The following SOX10 variants were observed in gnomAD, a reference collection of about 807,000 sequenced individuals.
SOX10 encodes transcription factor SOX-10.
In SOX10, 3 loss-of-function variants were observed where a neutral mutation model predicts 35.0. The observed-to-expected ratio is 0.09, with a 90% confidence interval of 0.04 to 0.22. The LOEUF (loss-of-function observed/expected upper bound fraction) is 0.22, where lower values mean the gene tolerates loss of function less well. Among genes scored for constraint, SOX10 ranks in the 10% least tolerant of loss-of-function variants. SOX10 has a pLI of 1.00. For synonymous variants in SOX10, 285 were observed against 291.0 expected (o/e 0.98, Z 0.21); for missense variants, 436 against 655.1 (o/e 0.67, Z 3.65).
At chr22:37,977,475 C>G (rs1932255835) in intron 3 of SOX10, among the ~76,000 whole-genome samples, 1 of 151,970 alleles carries the variant, frequency 6.6e-6, no homozygotes, top group Non-Finnish European at 1.5e-5. Context: ...TGCTCGCCAC[C>G]ACGCCCAGCT....
At position 37,984,532 on chromosome 22, in the gene SOX10, C is replaced by T. The variant is rs1015516980; in HGVS notation, c.-278G>A. The T allele has an allele frequency of 8.5e-5, 13 of 152,172 alleles. No individual in the cohort carries two copies. Among genetic ancestry groups the T allele is most frequent in the Non-Finnish European group, 5.9e-5 (4 of 68,108 alleles). 9.4% of individuals were successfully genotyped at this position (152,172 alleles called of 1,614,324 possible). On this transcript the variant is annotated 5_prime_UTR_variant, in exon 1 of 4. Transcript: ENST00000396884. This position sits in a 1 kb window ranked among gnomAD's most constrained non-coding sequence, Gnocchi z 4.4. ...CTTACCACCAACCACCCTGGCCGGA[C>T]AGCCCGAGACTGACTGAGCGACTGA... is the stretch of plus-strand genomic sequence containing the variant.
At chr22:37,976,520 C>A (rs1198621076) in intron 3 of SOX10, among the ~76,000 whole-genome samples, 1 of 152,184 alleles carries the variant, frequency 6.6e-6, no homozygotes, top group Non-Finnish European at 1.5e-5. Context: ...CCTCTGAAGG[C>A]AGAGCTCTGC....
intron 3 of SOX10, among the ~76,000 whole-genome samples, chr22:37,976,201 C>T (rs1011127640): frequency 2.0e-5 from 3 of 152,140 alleles, no homozygotes; most frequent in Non-Finnish European, 2.9e-5. Context: ...GCAGCCTGGG[C>T]AACAGAGCAA....
At chr22:37,976,824 C>A (rs1932234710) in intron 3 of SOX10, among the ~76,000 whole-genome samples, 1 of 152,134 alleles carries the variant, frequency 6.6e-6, no homozygotes, top group Non-Finnish European at 1.5e-5. Flanking sequence ...CTGTTATTAT[C>A]ATTAATGAAA....
Position 37,983,026 on chromosome 22 carries a change from C to CA in SOX10, c.428+330_428+331insT. On this transcript the variant is annotated intron_variant, in intron 2 of 3. Coordinates refer to ENST00000396884, the MANE Select transcript of SOX10 (RefSeq NM_006941.4). This position sits in a 1 kb window ranked among gnomAD's most constrained non-coding sequence, Gnocchi z 9.5. ...CCACAGCAGCTGGTGGCATAGTGTG[C>CA]GTATCTGTGGGCAGGAGTTAGTGAA... Among the ~76,000 whole-genome samples, 1 of 152,228 alleles carries CA rather than the reference C, an allele frequency of 6.6e-6. No individual in the cohort carries two copies. Among genetic ancestry groups the CA allele is most frequent in the East Asian group, 1.9e-4 (1 of 5,196 alleles).
chr22:37,978,339 A>T lies in SOX10; in HGVS notation c.429-204T>A, dbSNP rs1331578565. Among the ~76,000 whole-genome samples, 1 of 152,252 alleles carries T rather than the reference A, an allele frequency of 6.6e-6. No homozygotes were observed. The highest frequency in any genetic ancestry group is 1.5e-5 in the Non-Finnish European group (1 of 68,048). On this transcript the variant is annotated intron_variant, in intron 2 of 3. Coordinates refer to ENST00000396884, the MANE Select transcript of SOX10 (RefSeq NM_006941.4). This position sits in a 1 kb window ranked among gnomAD's most constrained non-coding sequence, Gnocchi z 5.0. ...GAGGCCCAAGGAATAACAGCCTCAG[A>T]GGGCTGCCCCCAAATCTTTCATGGG...
rs1932450359 is a variant in SOX10, at chr22:37,983,083, C to T, written c.428+274G>A. Among the ~76,000 whole-genome samples, 1 of 152,238 alleles carries T rather than the reference C, an allele frequency of 6.6e-6. No homozygotes were observed. Among genetic ancestry groups the T allele is most frequent in the African/African-American group, 2.4e-5 (1 of 41,470 alleles). On this transcript the variant is annotated intron_variant, in intron 2 of 3. Coordinates refer to ENST00000396884, the MANE Select transcript of SOX10 (RefSeq NM_006941.4). This position sits in a 1 kb window ranked among gnomAD's most constrained non-coding sequence, Gnocchi z 9.5. ...CTTCCCTCCCTCCAAAGCCCCAGGC[C>T]CCACGGTCTGCCACCCGCAAAATTC... is the stretch of plus-strand genomic sequence containing the variant.
chr22:37,973,894 G>T lies in SOX10; in HGVS notation c.1002C>A (p.Ile334=). The change falls in exon 4 of 4, where the codon ATC becomes ATA. Residue 334 remains isoleucine, a synonymous_variant. Coordinates refer to ENST00000396884, the MANE Select transcript of SOX10 (RefSeq NM_006941.4). ...GCAGAGCCACGCCTGGTGGCTTGGA[G>T]ATCCAGGCGGAGTGTCCACTGGCCA... is the stretch of plus-strand genomic sequence containing the variant. ...LAVASGHSAW[I]SKPPGVALPT... 6.2e-7 allele frequency: 1 copy of T among 1,610,110 alleles called. No homozygotes were observed. The highest frequency in any genetic ancestry group is 8.5e-7 in the Non-Finnish European group (1 of 1,179,560).
chr22:37,981,948 C>A (rs945968687), intron 2 of SOX10, among the ~76,000 whole-genome samples: 2 of 152,142 alleles, frequency 1.3e-5, no homozygotes, highest in Admixed American at 6.5e-5. Flanking sequence ...GGCCAGGGGG[C>A]GGGATGTGAA....
Position 37,983,913 on chromosome 22 carries a change from C to G in SOX10, c.-84-45G>C, listed in dbSNP as rs1932490629. On this transcript the variant is annotated intron_variant, in intron 1 of 3. Transcript: ENST00000396884. This position sits in a 1 kb window ranked among gnomAD's most constrained non-coding sequence, Gnocchi z 9.5. The stretch of plus-strand genomic sequence containing the variant: ...GATGGAGCGGCCGCGCGCGCAGCCC[C>G]GAGGGCGGCCCGAGACAGGACGTGG... 15 of 737,876 alleles carry G rather than the reference C, an allele frequency of 2.0e-5. No homozygotes were observed. Among genetic ancestry groups the G allele is most frequent in the South Asian group, 3.0e-5 (1 of 33,114 alleles). 45.7% of individuals were successfully genotyped at this position (737,876 alleles called of 1,614,324 possible).
chr22:37,984,143 G>T lies in SOX10; in HGVS notation c.-85+196C>A. On this transcript the variant is annotated intron_variant, in intron 1 of 3. Transcript: ENST00000396884. The surrounding 1 kb of genome is among the most constrained non-coding windows in gnomAD (Gnocchi z 4.4). The stretch of plus-strand genomic sequence containing the variant: ...TGTTGATGATAAGGAAGAAAAAAAC[G>T]GAGCCTTTATTTTGCTCTAATCCCG... The T allele has an allele frequency of 1.1e-5, 2 of 176,288 alleles. No individual in the cohort carries two copies. Among genetic ancestry groups the T allele is most frequent in the Non-Finnish European group, 1.2e-5 (1 of 84,536 alleles). 10.9% of individuals were successfully genotyped at this position (176,288 alleles called of 1,614,324 possible).
In SOX10 at chr22:37,978,242, C is replaced by T. The variant is rs112969584; in HGVS notation, c.429-107G>A. 157 of 1,264,434 alleles carry T rather than the reference C, an allele frequency of 1.2e-4. No homozygotes were observed. In the African/African-American group the frequency reaches 2.1e-3, roughly 17 times the overall value. 78.3% of individuals were successfully genotyped at this position (1,264,434 alleles called of 1,614,324 possible). On this transcript the variant is annotated intron_variant, in intron 2 of 3. Transcript: ENST00000396884. This position sits in a 1 kb window ranked among gnomAD's most constrained non-coding sequence, Gnocchi z 5.0. The stretch of plus-strand genomic sequence containing the variant: ...TGTCCATCTTGGAAGATGTGAGGCC[C>T]TGGGATGGGGCACCCAGAGGACAGG...
rs752201360 is a variant in SOX10, at chr22:37,974,083, G to A, written c.813C>T (p.Ile271=). 5.0e-6 allele frequency: 8 copies of A among 1,613,922 alleles called. No individual in the cohort carries two copies. The Admixed American group carries it at 5.0e-5, about 10-fold the overall frequency. Reference sequence around the variant, plus strand: ...CACCAATGTCCACGTTGCCGAAGTCGATGTGAGGCTTCCCGCCCTCCCCCA... The same window carrying A: ...CACCAATGTCCACGTTGCCGAAGTCAATGTGAGGCTTCCCGCCCTCCCCCA... ...RSMGEGGKPH[I]DFGNVDIGEI... is the part of the protein sequence containing the mutation. Residue 271 remains isoleucine, a synonymous_variant, in exon 4 of 4, where the codon ATC becomes ATT. Transcript: ENST00000396884. This position sits in a 1 kb window ranked among gnomAD's most constrained non-coding sequence, Gnocchi z 5.4.
intron 3 of SOX10, among the ~76,000 whole-genome samples, chr22:37,975,967 G>A (rs914059024): frequency 2.0e-4 from 31 of 151,986 alleles, no homozygotes; most frequent in African/African-American, 7.0e-4. Context: ...GAGGCTGGGC[G>A]TGCTGGGTCA....
Position 37,983,604 on chromosome 22 carries a change from C to A in SOX10, c.181G>T (p.Gly61Cys). ...GGGAACTTGTCATCGTCCGCCTCGC[C>A]GTCCTGCTGCTCCTTCTTGACCTTG... is the stretch of plus-strand genomic sequence containing the variant. ...LGKVKKEQQD[G>C]EADDDKFPVC... The change falls in exon 2 of 4, where the codon GGC becomes TGC. Residue 61 changes from glycine (G) to cysteine (C), a missense_variant. Gly to Cys is a radical substitution (Grantham distance 159, BLOSUM62 -3). Coordinates refer to ENST00000396884, the MANE Select transcript of SOX10 (RefSeq NM_006941.4). This position sits in a 1 kb window ranked among gnomAD's most constrained non-coding sequence, Gnocchi z 9.5. 1.2e-6 allele frequency: 2 copies of A among 1,607,714 alleles called. No individual in the cohort carries two copies.
chr22:37,983,151 G>A lies in SOX10; in HGVS notation c.428+206C>T, dbSNP rs915820822. ...CTTCCTGCCCGCCGCCCCGTAGGGA[G>A]ACCCGGCCTAGGCCGCTGGAGTTCC... On this transcript the variant is annotated intron_variant, in intron 2 of 3. Transcript: ENST00000396884. This position sits in a 1 kb window ranked among gnomAD's most constrained non-coding sequence, Gnocchi z 9.5. 1.1e-4 allele frequency among the ~76,000 whole-genome samples: 17 copies of A among 152,208 alleles called. No individual in the cohort carries two copies. Among genetic ancestry groups the A allele is most frequent in the African/African-American group, 4.1e-4 (17 of 41,464 alleles).
At chr22:37,982,649 G>A (rs779426090) in intron 2 of SOX10, among the ~76,000 whole-genome samples, 2 of 152,166 alleles carry the variant, frequency 1.3e-5, no homozygotes, top group African/African-American at 2.4e-5. Context: ...GGCCCTGGCA[G>A]GGAAGATGGC....
intron 2 of SOX10, among the ~76,000 whole-genome samples, chr22:37,981,180 T>C (rs529166609): frequency 6.6e-6 from 1 of 152,356 alleles, no homozygotes; most frequent in South Asian, 2.1e-4. Flanking sequence ...TTAAGACACC[T>C]GTTTTCCAGC....
chr22:37,976,739 A>G (rs1165795532), intron 3 of SOX10, among the ~76,000 whole-genome samples: 1 of 152,194 alleles, frequency 6.6e-6, no homozygotes. Context: ...GTTTGCAAGG[A>G]TTGAGTTAGT....
Sources: gnomAD v4.1 joint callset for allele counts (sites outside exome capture counted in the v4.1 genomes callset) on GRCh38, gnomAD v4.1.1 for gene constraint, Gnocchi (gnomAD v3.1) non-coding constraint, MANE v1.5 for transcripts, NCBI Gene and HGNC (gene_info 2026-07-23, HGNC 2026-07-21) for gene names.